Variants in SMIM10L3 observed in about 807,000 individuals in gnomAD.
SMIM10L3 encodes salivary gland specific protein SAGSIN1.
chr7:6,331,498 G>C, the SMIM10L3 span, among the ~76,000 whole-genome samples: 1 of 151,256 alleles, frequency 6.6e-6, no homozygotes, highest in Admixed American at 6.6e-5. Flanking sequence ...ACAGAGTCTT[G>C]CTCTGTCGCC....
At chr7:6,332,252 C>A in the SMIM10L3 span, among the ~76,000 whole-genome samples, 2 of 152,022 alleles carry the variant, frequency 1.3e-5, no homozygotes, top group African/African-American at 4.8e-5. Flanking sequence ...TGCTTTACAA[C>A]TCTGTCATTT....
the SMIM10L3 span, among the ~76,000 whole-genome samples, chr7:6,332,225 C>T: frequency 6.6e-6 from 1 of 152,000 alleles, no homozygotes; most frequent in Non-Finnish European, 1.5e-5. Flanking sequence ...GGACCAGCAC[C>T]TTCATTGTCT....
At chr7:6,338,285 GAGA>G in the SMIM10L3 span, among the ~76,000 whole-genome samples, 1 of 152,120 alleles carries the variant, frequency 6.6e-6, no homozygotes, top group African/African-American at 2.4e-5. Flanking sequence ...CAGTATGCTA[GAGA>G]TATATTGTAC....
At chr7:6,348,924 T>A in the SMIM10L3 span, 1 of 383,518 alleles carries the variant, frequency 2.6e-6, no homozygotes. Flanking sequence ...CTCGGAGAAG[T>A]GCCTCCGCGA....
At chr7:6,339,496 T>TG in the SMIM10L3 span, among the ~76,000 whole-genome samples, 8 of 152,098 alleles carry the variant, frequency 5.3e-5, no homozygotes, top group East Asian at 1.5e-3. Flanking sequence ...TTTTGTTTTT[T>TG]TTTTTGAGAC....
chr7:6,333,094 T>A, the SMIM10L3 span, among the ~76,000 whole-genome samples: 1 of 148,382 alleles, frequency 6.7e-6, no homozygotes, highest in Non-Finnish European at 1.5e-5. Context: ...GAGGCAGAGG[T>A]TGCAGTGAGC....
chr7:6,331,672 G>A, the SMIM10L3 span, among the ~76,000 whole-genome samples: 3 of 150,824 alleles, frequency 2.0e-5, no homozygotes, highest in African/African-American at 7.3e-5. Flanking sequence ...GAGCCACCAC[G>A]CCCGGCCTAG....
At chr7:6,344,880 G>A in the SMIM10L3 span, among the ~76,000 whole-genome samples, 2 of 151,240 alleles carry the variant, frequency 1.3e-5, no homozygotes, top group African/African-American at 2.4e-5. Context: ...TAGCTGGGAT[G>A]ACAGGCGCAT....
the SMIM10L3 span, among the ~76,000 whole-genome samples, chr7:6,342,681 A>G: frequency 6.6e-6 from 1 of 152,186 alleles, no homozygotes; most frequent in East Asian, 1.9e-4. Context: ...ATTATTCACA[A>G]TAGCCAAAAA....
At chr7:6,337,170 C>G in the SMIM10L3 span, among the ~76,000 whole-genome samples, 1 of 151,980 alleles carries the variant, frequency 6.6e-6, no homozygotes, top group African/African-American at 2.4e-5. Flanking sequence ...TTCCCGCACT[C>G]AAGCGACTCT....
the SMIM10L3 span, among the ~76,000 whole-genome samples, chr7:6,336,121 C>T: frequency 6.8e-6 from 1 of 146,918 alleles, no homozygotes; most frequent in African/African-American, 2.6e-5. Context: ...TACAGTAAGC[C>T]AAGATAGCAC....
the SMIM10L3 span, among the ~76,000 whole-genome samples, chr7:6,332,091 G>T: frequency 6.8e-6 from 1 of 146,984 alleles, no homozygotes; most frequent in Non-Finnish European, 1.5e-5. Context: ...CAGCCTGGGC[G>T]ACAGCTAGAC....
chr7:6,330,708 C>A, the SMIM10L3 span: 1 of 1,614,130 alleles, frequency 6.2e-7, no homozygotes, highest in Non-Finnish European at 8.5e-7. Context: ...ACACCCGAGG[C>A]TCTCCTTTGG....
chr7:6,345,203 G>A, the SMIM10L3 span, among the ~76,000 whole-genome samples: 8 of 151,066 alleles, frequency 5.3e-5, no homozygotes, highest in Non-Finnish European at 7.4e-5. Context: ...CTGCATCTTC[G>A]GCCTCCTTGG....
the SMIM10L3 span, chr7:6,331,358 T>G: frequency 4.0e-5 from 25 of 618,550 alleles, no homozygotes; most frequent in African/African-American, 4.2e-4. Flanking sequence ...GTACAGGGTT[T>G]CACCATATTG....
chr7:6,342,042 T>C, the SMIM10L3 span: 4 of 152,032 alleles, frequency 2.6e-5, no homozygotes, highest in Non-Finnish European at 5.9e-5. Context: ...TTCAAGATTC[T>C]AAAGATTTTC....
the SMIM10L3 span, among the ~76,000 whole-genome samples, chr7:6,343,384 AT>A: frequency 1.4e-5 from 2 of 138,286 alleles, no homozygotes; most frequent in Admixed American, 7.8e-5. Flanking sequence ...TCTCAAAAAA[AT>A]AATAATAATT....
chr7:6,333,727 G>A, the SMIM10L3 span, among the ~76,000 whole-genome samples: 2 of 149,628 alleles, frequency 1.3e-5, no homozygotes, highest in East Asian at 4.0e-4. Context: ...AGAAAGGAAA[G>A]TGCACTTCGA....
chr7:6,343,267 C>T, the SMIM10L3 span, among the ~76,000 whole-genome samples: 2,821 of 150,750 alleles, frequency 0.019, 40 homozygotes, highest in East Asian at 0.052. Context: ...ATCCCAGCTA[C>T]TCAGGAGGCT....
Sources: allele counts gnomAD v4.1 joint callset (sites outside exome capture counted in the v4.1 genomes callset), GRCh38; gene constraint gnomAD v4.1.1; transcripts MANE v1.5; gene names NCBI Gene and HGNC (gene_info 2026-07-23, HGNC 2026-07-21).